SLAMF8: variants seen among roughly 807,000 people sequenced by gnomAD.
SLAMF8 encodes SLAM family member 8, also known as B lymphocyte activator macrophage expressed.
In SLAMF8, 23 loss-of-function variants were observed where a neutral mutation model predicts 29.0. That is an observed-to-expected ratio of 0.79 (90% CI 0.57 to 1.13). The LOEUF is 1.13. SLAMF8 is among the 50% of genes most tolerant of loss of function. SLAMF8 has a pLI of 0.00. For synonymous variants in SLAMF8, 139 were observed against 145.6 expected (o/e 0.96, Z 0.32); for missense variants, 381 against 353.1 (o/e 1.08, Z -0.63).
chr1:159,829,776 C>A, intron 1 of SLAMF8, 90 bp from the exon 2 acceptor site: 2 of 1,434,738 alleles, frequency 1.4e-6, no homozygotes, highest in Non-Finnish European at 1.9e-6. Flanking sequence ...AGTGGAGGGG[C>A]CCCAATTCAC....
At chr1:159,831,653 A>G (rs1647496681) in intron 2 of SLAMF8, among the ~76,000 whole-genome samples, 1 of 152,260 alleles carries the variant, frequency 6.6e-6, no homozygotes, top group South Asian at 2.1e-4. Context: ...TGTTCTCAGC[A>G]GCTGAATTAC....
chr1:159,836,364 T>C lies in SLAMF8; in HGVS notation c.*1104T>C. 1.0e-6 allele frequency: 1 copy of C among 985,466 alleles called. No individual in the cohort carries two copies. Among genetic ancestry groups the C allele is most frequent in the Non-Finnish European group, 1.2e-6 (1 of 829,948 alleles). The allele number at this position is 985,466 out of a possible 1,614,324, so 61.0% of individuals were successfully genotyped here. ...TCCATCAAACTTTTTATTGTGGCCATCTTAGGAAAATACATTCTGCCCCTG... is the reference window on the plus strand; with the variant it reads ...TCCATCAAACTTTTTATTGTGGCCACCTTAGGAAAATACATTCTGCCCCTG... On this transcript the variant is annotated 3_prime_UTR_variant, in exon 5 of 5. Coordinates refer to ENST00000289707, the MANE Select transcript of SLAMF8 (RefSeq NM_020125.3).
chr1:159,833,890 T>C (rs1333894275), intron 4 of SLAMF8, among the ~76,000 whole-genome samples: 3 of 152,194 alleles, frequency 2.0e-5, no homozygotes, highest in Non-Finnish European at 4.4e-5. Context: ...CAACTCTTCC[T>C]GAAACATAGC....
In SLAMF8 at chr1:159,829,875, C is replaced by T. The variant is rs989598231; in HGVS notation, c.50C>T (p.Pro17Leu). 6.2e-7 allele frequency: 1 copy of T among 1,609,320 alleles called. No homozygotes were observed. The highest frequency in any genetic ancestry group is 1.3e-5 in the African/African-American group (1 of 74,792). The change falls in exon 2 of 5, where the codon CCC becomes CTC. Residue 17 changes from proline to leucine, a missense_variant. Transcript: ENST00000289707. Reference sequence around the variant, plus strand: ...GGCTCTGTTCTTTCAGCCCTACTTCCCATTACAGTTACTGGTGCCCAAGTG... The same window carrying T: ...GGCTCTGTTCTTTCAGCCCTACTTCTCATTACAGTTACTGGTGCCCAAGTG... The part of the protein sequence containing the change: ...WSLLLWEALL[P>L]ITVTGAQVLS...
chr1:159,833,446 T>A, intron 4 of SLAMF8, 77 bp downstream of exon 4: 1 of 1,600,834 alleles, frequency 6.2e-7, no homozygotes, highest in Non-Finnish European at 8.5e-7. Flanking sequence ...GACCTCCTCC[T>A]ATTTAGGCTT....
chr1:159,836,097 C>T lies in SLAMF8; in HGVS notation c.*837C>T, dbSNP rs916624779. 7 of 985,308 alleles carry T rather than the reference C, an allele frequency of 7.1e-6. No individual in the cohort carries two copies. The highest frequency in any genetic ancestry group is 5.2e-5 in the African/African-American group (3 of 57,228). 61.0% of individuals were successfully genotyped at this position (985,308 alleles called of 1,614,324 possible). The stretch of plus-strand genomic sequence containing the variant: ...ACTGAATTTGCCCCAGCCAACAGGA[C>T]GTTCTTGCACAACTTCAAGAAAAGC... On this transcript the variant is annotated 3_prime_UTR_variant, in exon 5 of 5. Coordinates refer to ENST00000289707, the MANE Select transcript of SLAMF8 (RefSeq NM_020125.3).
At chr1:159,827,091 A>AT (rs879120216) in intron 1 of SLAMF8, among the ~76,000 whole-genome samples, 153 bp downstream of exon 1, 2 of 152,204 alleles carry the variant, frequency 1.3e-5, no homozygotes, top group South Asian at 4.1e-4. Context: ...CTTGGGCAAC[A>AT]TTTTAAGCTA....
In SLAMF8 at chr1:159,837,116, G is replaced by T; in HGVS notation, c.*1856G>T. 1.0e-6 allele frequency: 1 copy of T among 985,454 alleles called. No homozygotes were observed. The highest frequency in any genetic ancestry group is 1.2e-6 in the Non-Finnish European group (1 of 829,974). The allele number at this position is 985,454 out of a possible 1,614,324, so 61.0% of individuals were successfully genotyped here. ...ACCTCAGATCAAAGCAGCTCTGGAT[G>T]AGATGGGACCTGCAGCTCTCCCTCC... is the stretch of plus-strand genomic sequence containing the variant. On this transcript the variant is annotated 3_prime_UTR_variant, in exon 5 of 5. Transcript: ENST00000289707.
At position 159,835,471 on chromosome 1, in the gene SLAMF8, C is replaced by A. The variant is rs143143094; in HGVS notation, c.*211C>A. Reference sequence around the variant, plus strand: ...CACACCTCCCCCTTCCCTCTCCCATCTTCTCATATCCTGGCTCTTCTCTGG... The same window carrying A: ...CACACCTCCCCCTTCCCTCTCCCATATTCTCATATCCTGGCTCTTCTCTGG... On this transcript the variant is annotated 3_prime_UTR_variant, in exon 5 of 5. Transcript: ENST00000289707. The A allele has an allele frequency of 9.1e-4, 1,231 of 1,348,910 alleles. 7 individuals carry two copies. In the African/African-American group the frequency reaches 0.013, roughly 15 times the overall value. 83.6% of individuals were successfully genotyped at this position (1,348,910 alleles called of 1,614,324 possible). A position where few individuals can be genotyped will look rare whatever the true frequency, so the allele number is the denominator to read the frequency against.
At chr1:159,831,391 A>G (rs1178108993) in intron 2 of SLAMF8, among the ~76,000 whole-genome samples, 1 of 151,568 alleles carries the variant, frequency 6.6e-6, no homozygotes, top group Non-Finnish European at 1.5e-5. Context: ...GCCTTTCTGG[A>G]TGCACGCAGC....
In SLAMF8 at chr1:159,835,297, C is replaced by A; in HGVS notation, c.*37C>A. On this transcript the variant is annotated 3_prime_UTR_variant, in exon 5 of 5. Coordinates refer to ENST00000289707, the MANE Select transcript of SLAMF8 (RefSeq NM_020125.3). ...AACTGATGCCTGGACTATCAGTAACCCCACTGCACAGGCACACGATGCTCT... is the reference window on the plus strand; with the variant it reads ...AACTGATGCCTGGACTATCAGTAACACCACTGCACAGGCACACGATGCTCT... 6.2e-7 allele frequency: 1 copy of A among 1,602,988 alleles called. No homozygotes were observed. Among genetic ancestry groups the A allele is most frequent in the Non-Finnish European group, 8.5e-7 (1 of 1,176,498 alleles).
chr1:159,833,514 T>C, intron 4 of SLAMF8, 145 bp downstream of exon 4: 4 of 1,182,724 alleles, frequency 3.4e-6, no homozygotes, highest in Non-Finnish European at 3.5e-6. Flanking sequence ...CTCTAGCTCA[T>C]ATCTTGGTTT....
chr1:159,833,044 T>C lies in SLAMF8; in HGVS notation c.536T>C (p.Leu179Pro). The change falls in exon 3 of 5, where the codon CTC becomes CCC. Residue 179 changes from leucine (L) to proline (P), a missense_variant. Physicochemically the swap from Leu to Pro is moderately conservative, Grantham distance 98. Transcript: ENST00000289707. The part of the protein sequence containing the change: ...TMDFGMEPHS[L>P]FTDGQVLSIS... Reference sequence around the variant, plus strand: ...GACTTTGGTATGGAACCACACAGCCTCTTCACAGACGGACAGGTGCTGAGC... The same window carrying C: ...GACTTTGGTATGGAACCACACAGCCCCTTCACAGACGGACAGGTGCTGAGC... The C allele has an allele frequency of 6.2e-7, 1 of 1,614,206 alleles. No individual in the cohort carries two copies. The highest frequency in any genetic ancestry group is 8.5e-7 in the Non-Finnish European group (1 of 1,180,034).
Position 159,835,209 on chromosome 1 carries a change from T to C in SLAMF8, c.807T>C (p.Ala269=), listed in dbSNP as rs749498432. The C allele has an allele frequency of 3.1e-6, 5 of 1,614,130 alleles. No individual in the cohort carries two copies. In the South Asian group the frequency reaches 5.5e-5, roughly 18 times the overall value. The part of the protein sequence containing the change: ...CSGKKKKDVH[A]DRVGPETENP... ...GGAAAAAGAAAAAGGATGTCCATGC[T>C]GACAGAGTGGGTCCAGAGACAGAGA... Residue 269 remains alanine, a synonymous_variant, in exon 5 of 5, where the codon GCT becomes GCC. Transcript: ENST00000289707.
chr1:159,836,189 G>A lies in SLAMF8; in HGVS notation c.*929G>A. ...GTGAAGAACCATAAAACGCTATGCA[G>A]AAGGAACATTATGGAGAGAAAGGGT... On this transcript the variant is annotated 3_prime_UTR_variant, in exon 5 of 5. Transcript: ENST00000289707. The A allele has an allele frequency of 1.5e-5, 15 of 985,476 alleles. No homozygotes were observed. The highest frequency in any genetic ancestry group is 1.8e-5 in the Non-Finnish European group (15 of 829,936). The allele number at this position is 985,476 out of a possible 1,614,324, so 61.0% of individuals were successfully genotyped here.
Position 159,836,551 on chromosome 1 carries a change from G to T in SLAMF8, c.*1291G>T. 1.0e-6 allele frequency: 1 copy of T among 985,438 alleles called. No individual in the cohort carries two copies. Among genetic ancestry groups the T allele is most frequent in the Non-Finnish European group, 1.2e-6 (1 of 829,942 alleles). 61.0% of individuals were successfully genotyped at this position (985,438 alleles called of 1,614,324 possible). A position where few individuals can be genotyped will look rare whatever the true frequency, so the allele number is the denominator to read the frequency against. On this transcript the variant is annotated 3_prime_UTR_variant, in exon 5 of 5. Transcript: ENST00000289707. Reference sequence around the variant, plus strand: ...GGGCCTCAATCCAGTCTTGATAACAGCGAGGAAAGAGGTATTGAAGAAACA... The same window carrying T: ...GGGCCTCAATCCAGTCTTGATAACATCGAGGAAAGAGGTATTGAAGAAACA...
chr1:159,836,507 T>G lies in SLAMF8; in HGVS notation c.*1247T>G. On this transcript the variant is annotated 3_prime_UTR_variant, in exon 5 of 5. Coordinates refer to ENST00000289707, the MANE Select transcript of SLAMF8 (RefSeq NM_020125.3). ...AGGTTCACAGTTTCTCTCACCCAGG[T>G]GTAACTGGATTTTTTCTGGGGCCTC... The G allele has an allele frequency of 1.0e-6, 1 of 985,462 alleles. No individual in the cohort carries two copies. The highest frequency in any genetic ancestry group is 1.2e-6 in the Non-Finnish European group (1 of 829,942). 61.0% of individuals were successfully genotyped at this position (985,462 alleles called of 1,614,324 possible).
chr1:159,833,297 G>A lies in SLAMF8; in HGVS notation c.709G>A (p.Val237Met). ...GGCCTCCTACAAAGATGTGCTGCTG[G>A]TGGTGGTGCCTGTCTCGCTGCTCCT... ...GKASYKDVLL[V>M]VVPVSLLLML... Residue 237 changes from valine to methionine, a missense_variant, in exon 4 of 5, where the codon GTG becomes ATG. Val to Met is a conservative substitution (Grantham distance 21). Coordinates refer to ENST00000289707, the MANE Select transcript of SLAMF8 (RefSeq NM_020125.3). 6.2e-7 allele frequency: 1 copy of A among 1,614,186 alleles called. No individual in the cohort carries two copies. The highest frequency in any genetic ancestry group is 8.5e-7 in the Non-Finnish European group (1 of 1,180,022).
At position 159,835,270 on chromosome 1, in the gene SLAMF8, T is replaced by C; in HGVS notation, c.*10T>C. The C allele has an allele frequency of 6.2e-7, 1 of 1,612,780 alleles. No individual in the cohort carries two copies. Among genetic ancestry groups the C allele is most frequent in the Non-Finnish European group, 8.5e-7 (1 of 1,179,676 alleles). On this transcript the variant is annotated 3_prime_UTR_variant, in exon 5 of 5. Coordinates refer to ENST00000289707, the MANE Select transcript of SLAMF8 (RefSeq NM_020125.3). Reference sequence around the variant, plus strand: ...GCAGGATCTGCCATAAAGGACAATATGAACTGATGCCTGGACTATCAGTAA... The same window carrying C: ...GCAGGATCTGCCATAAAGGACAATACGAACTGATGCCTGGACTATCAGTAA...
Sources: gnomAD v4.1 joint callset for allele counts (sites outside exome capture counted in the v4.1 genomes callset) on GRCh38, gnomAD v4.1.1 for gene constraint, MANE v1.5 for transcripts, NCBI Gene and HGNC (gene_info 2026-07-23, HGNC 2026-07-21) for gene names.